Variants in CIBAR1 observed in about 807,000 individuals in gnomAD.
CIBAR1 encodes CBY1 interacting BAR domain containing 1.
A neutral mutation model predicts 44.0 loss-of-function variants in CIBAR1; 25 were observed. The observed-to-expected ratio is 0.57, with a 90% CI of 0.41 to 0.79. CIBAR1 has a LOEUF of 0.79. Ranked by LOEUF, CIBAR1 falls within the 30% of genes least tolerant of loss-of-function variation. The pLI is 0.00. For synonymous variants in CIBAR1, 115 were observed against 119.0 expected (o/e 0.97, Z 0.22); for missense variants, 278 against 344.8 (o/e 0.81, Z 1.53).
chr8:93,724,430 T>TCC, intron 7 of CIBAR1: 1 of 431,900 alleles, frequency 2.3e-6, no homozygotes, highest in South Asian at 1.7e-5. Flanking sequence ...GCTTAGGTGA[T>TCC]CCTCCCACCT....
rs1811716147 is a variant in CIBAR1 at position 93,729,754 on chromosome 8, T to G, written c.*1457T>G. 1.3e-5 allele frequency: 2 copies of G among 152,296 alleles called. No individual in the cohort carries two copies. The highest frequency in any genetic ancestry group is 4.1e-4 in the South Asian group (2 of 4,828). 9.4% of individuals were successfully genotyped at this position (152,296 alleles called of 1,614,324 possible). ...TTCAAGACTATTATACAGGTAACTA[T>G]GTAACCATGTAAGACTTAAGTACAC... On this transcript the variant is annotated 3_prime_UTR_variant, in exon 9 of 9. Coordinates refer to ENST00000518322, the MANE Select transcript of CIBAR1 (RefSeq NM_145269.5).
intron 5 of CIBAR1, among the ~76,000 whole-genome samples, chr8:93,708,889 A>G (rs1205841851): frequency 6.6e-6 from 1 of 152,242 alleles, no homozygotes; most frequent in Non-Finnish European, 1.5e-5. Context: ...AGAAATTGTC[A>G]TAGCTGTCTC....
chr8:93,724,152 G>C (rs981298909), intron 7 of CIBAR1, among the ~76,000 whole-genome samples: 2 of 152,186 alleles, frequency 1.3e-5, no homozygotes, highest in Non-Finnish European at 2.9e-5. Context: ...GAGCCCAGGA[G>C]TTCGAGGCTA....
intron 2 of CIBAR1, chr8:93,702,432 G>GA: frequency 2.3e-6 from 1 of 427,712 alleles, no homozygotes; most frequent in South Asian, 1.7e-5. Flanking sequence ...CCCCTTTGTA[G>GA]AAAACCTTTG....
intron 8 of CIBAR1, among the ~76,000 whole-genome samples, chr8:93,727,666 C>T (rs925400954): frequency 1.3e-5 from 2 of 152,220 alleles, no homozygotes; most frequent in Non-Finnish European, 2.9e-5. Flanking sequence ...ACAACAGTGT[C>T]TCTAGACATT....
intron 7 of CIBAR1, chr8:93,724,686 C>A: frequency 8.6e-7 from 1 of 1,163,084 alleles, no homozygotes; most frequent in Non-Finnish European, 1.1e-6. Context: ...TCTAGAGCTA[C>A]ACGGTTCAGT....
At chr8:93,727,745 G>A (rs140350504) in intron 8 of CIBAR1, among the ~76,000 whole-genome samples, 2 of 152,248 alleles carry the variant, frequency 1.3e-5, no homozygotes, top group East Asian at 1.9e-4. Context: ...CCCACGTGGC[G>A]GCAGTCAGGC....
intron 3 of CIBAR1, 52 bp downstream of exon 3, chr8:93,703,740 T>C: frequency 7.3e-7 from 1 of 1,365,128 alleles, no homozygotes; most frequent in South Asian, 1.4e-5. Flanking sequence ...GCAAAGACTA[T>C]GAGGTTTCCA....
chr8:93,700,748 C>T (rs1386385809), intron 1 of CIBAR1, 75 bp downstream of exon 1: 3 of 1,422,242 alleles, frequency 2.1e-6, no homozygotes, highest in African/African-American at 1.5e-5. Flanking sequence ...AGCCTCTGTC[C>T]ATGGGGCCTC....
chr8:93,718,288 G>T (rs1811109831), intron 6 of CIBAR1, among the ~76,000 whole-genome samples: 1 of 152,184 alleles, frequency 6.6e-6, no homozygotes, highest in Non-Finnish European at 1.5e-5. Flanking sequence ...TTAAACATCA[G>T]TTGGAATTGC....
At position 93,700,608 on chromosome 8, in the gene CIBAR1, C is replaced by G; in HGVS notation, c.-40C>G. The G allele has an allele frequency of 6.8e-7, 1 of 1,479,150 alleles. No homozygotes were observed. Among genetic ancestry groups the G allele is most frequent in the Non-Finnish European group, 9.0e-7 (1 of 1,114,728 alleles). The allele number at this position is 1,479,150 out of a possible 1,614,324, so 91.6% of individuals were successfully genotyped here. On this transcript the variant is annotated 5_prime_UTR_variant, in exon 1 of 9. Coordinates refer to ENST00000518322, the MANE Select transcript of CIBAR1 (RefSeq NM_145269.5). ...GCCCAGGCGCCTTGGAATCCCCGTCCTTGGGCCCCCGCAAGGTCCCCGGCC... is the reference window on the plus strand; with the variant it reads ...GCCCAGGCGCCTTGGAATCCCCGTCGTTGGGCCCCCGCAAGGTCCCCGGCC...
rs961250048 is a variant in CIBAR1 at position 93,716,891 on chromosome 8, G to A, written c.544-1784G>A. On this transcript the variant is annotated intron_variant, in intron 6 of 8. Coordinates refer to ENST00000518322, the MANE Select transcript of CIBAR1 (RefSeq NM_145269.5). ...ACATCCTTTATTGAATATCCTATAC[G>A]CTGGAGAGCTGTCATTTCCTCTTTG... Among the ~76,000 whole-genome samples the A allele has an allele frequency of 3.3e-5, 5 of 152,080 alleles. No homozygotes were observed. In the South Asian group the frequency reaches 1.0e-3, roughly 32 times the overall value.
intron 2 of CIBAR1, 45 bp from the exon 3 acceptor site, chr8:93,703,575 A>T: frequency 1.7e-6 from 2 of 1,193,952 alleles, no homozygotes; most frequent in Non-Finnish European, 1.2e-6. Context: ...TTTATAGGTT[A>T]AAATGTTAAA....
In CIBAR1 at chr8:93,729,502, G is replaced by A. The variant is rs1811702849; in HGVS notation, c.*1205G>A. On this transcript the variant is annotated 3_prime_UTR_variant, in exon 9 of 9. Transcript: ENST00000518322. ...TGCTTACTAAATAGCAACTTCTCTTGAGCATTATTTGCCTTGTTTGTAAAG... is the reference window on the plus strand; with the variant it reads ...TGCTTACTAAATAGCAACTTCTCTTAAGCATTATTTGCCTTGTTTGTAAAG... 6.6e-6 allele frequency: 1 copy of A among 152,114 alleles called. No homozygotes were observed. The highest frequency in any genetic ancestry group is 2.1e-4 in the South Asian group (1 of 4,830). 9.4% of individuals were successfully genotyped at this position (152,114 alleles called of 1,614,324 possible). A position where few individuals can be genotyped will look rare whatever the true frequency, so the allele number is the denominator to read the frequency against.
At chr8:93,713,758 G>C in intron 6 of CIBAR1, among the ~76,000 whole-genome samples, 1 of 152,154 alleles carries the variant, frequency 6.6e-6, no homozygotes, top group East Asian at 1.9e-4. Flanking sequence ...CAATTGAATG[G>C]TCTTGGCATC....
intron 8 of CIBAR1, 172 bp downstream of exon 8, chr8:93,726,685 CTTAA>C (rs1395317197): frequency 1.3e-5 from 9 of 691,128 alleles, no homozygotes; most frequent in South Asian, 1.7e-5. Flanking sequence ...TCTATTATTT[CTTAA>C]TTATCTTTTA....
chr8:93,726,925 T>C, intron 8 of CIBAR1, among the ~76,000 whole-genome samples: 1 of 152,314 alleles, frequency 6.6e-6, no homozygotes, highest in Admixed American at 6.5e-5. Context: ...CAGAAATCAT[T>C]TCATTTTTTT....
chr8:93,706,032 C>T (rs1410092595), intron 4 of CIBAR1: 1 of 152,200 alleles, frequency 6.6e-6, no homozygotes, highest in Non-Finnish European at 1.5e-5. Context: ...TGTCTCCTTC[C>T]TGCTTCCTTA....
chr8:93,706,717 TAAC>T (rs1810596730), intron 4 of CIBAR1, among the ~76,000 whole-genome samples: 1 of 152,192 alleles, frequency 6.6e-6, no homozygotes, highest in South Asian at 2.1e-4. Context: ...GAAATAAATA[TAAC>T]CTAAGAGATT....
Sources: allele counts gnomAD v4.1 joint callset (sites outside exome capture counted in the v4.1 genomes callset), GRCh38; gene constraint gnomAD v4.1.1; transcripts MANE v1.5; gene names NCBI Gene and HGNC (gene_info 2026-07-23, HGNC 2026-07-21).